Variants in NRXN1 observed in about 807,000 individuals in gnomAD.
NRXN1 encodes neurexin-1.
In NRXN1, 39 loss-of-function variants were observed where a neutral mutation model predicts 150.9. The observed-to-expected ratio is 0.26, with a 90% CI of 0.20 to 0.34. The LOEUF is 0.34. NRXN1 is among the 10% of genes least tolerant of loss of function. NRXN1 has a pLI of 1.00. For missense variants in NRXN1, 1,815 were observed against 1,949.9 expected (o/e 0.93, Z 1.30); for synonymous variants, 924 against 757.0 (o/e 1.22, Z -3.62).
At chr2:49,941,582 T>C (rs1671981875) in intron 22 of NRXN1, among the ~76,000 whole-genome samples, 1 of 152,120 alleles carries the variant, frequency 6.6e-6, no homozygotes, top group South Asian at 2.1e-4. Flanking sequence ...CACTAGGTAC[T>C]CAAGGTAAGG....
intron 2 of NRXN1, among the ~76,000 whole-genome samples, chr2:50,937,761 T>A (rs1574985549): frequency 1.3e-5 from 2 of 152,248 alleles, no homozygotes; most frequent in East Asian, 3.9e-4. Flanking sequence ...GACATGGCCA[T>A]GATTAGTTGA....
At position 49,934,101 on chromosome 2, in the gene NRXN1, C is replaced by G. The variant is rs1670602178; in HGVS notation, c.4216+9603G>C. On this transcript the variant is annotated intron_variant, in intron 22 of 22. Transcript: ENST00000401669. The stretch of plus-strand genomic sequence containing the variant: ...TGGTTGGAGTGAATTACATTTCTCT[C>G]TCTTTCAAAATTTTATTATGATATT... 2.6e-5 allele frequency among the ~76,000 whole-genome samples: 4 copies of G among 152,148 alleles called. No individual in the cohort carries two copies. In the South Asian group the frequency reaches 8.3e-4, roughly 32 times the overall value.
In NRXN1 at chr2:50,334,209, A is replaced by ATATATATATATATATATGTATG. The variant is rs760530144; in HGVS notation, c.3365-97240_3365-97239insCATACATATATATATATATATA. Among the ~76,000 whole-genome samples, 172 of 121,456 alleles carry ATATATATATATATATATGTATG rather than the reference A, an allele frequency of 1.4e-3. 5 individuals are homozygous for ATATATATATATATATATGTATG. The highest frequency in any genetic ancestry group is 7.1e-3 in the African/African-American group (163 of 22,866). 79.7% of individuals were successfully genotyped at this position (121,456 alleles called of 152,430 possible). ...CAGGACCAAATATATATATATATAT[A>ATATATATATATATATATGTATG]TATGTATGTAGATATTGTTTAACGG... is the stretch of plus-strand genomic sequence containing the variant. On this transcript the variant is annotated intron_variant, in intron 17 of 22. Transcript: ENST00000401669.
chr2:50,206,949 G>A (rs2062633555), intron 18 of NRXN1, among the ~76,000 whole-genome samples: 1 of 151,140 alleles, frequency 6.6e-6, no homozygotes, highest in Admixed American at 6.6e-5. Context: ...CCGAATCTGA[G>A]TACTGCCCAT....
At chr2:50,513,112 C>A (rs1378201226) in intron 12 of NRXN1, among the ~76,000 whole-genome samples, 1 of 152,060 alleles carries the variant, frequency 6.6e-6, no homozygotes, top group Non-Finnish European at 1.5e-5. Context: ...TAATGCCTAC[C>A]TTATTTCATA....
At chr2:50,797,773 A>T (rs1383250256) in intron 5 of NRXN1, among the ~76,000 whole-genome samples, 1 of 152,188 alleles carries the variant, frequency 6.6e-6, no homozygotes, top group East Asian at 1.9e-4. Context: ...GCCCTGGCAT[A>T]TCACAGGCAC....
intron 5 of NRXN1, among the ~76,000 whole-genome samples, chr2:50,847,518 G>C (rs1236247199): frequency 6.6e-6 from 1 of 152,238 alleles, no homozygotes; most frequent in East Asian, 1.9e-4. Flanking sequence ...TCCCTGGCTA[G>C]GGCTCCACCC....
At chr2:50,549,499 C>G (rs550892075) in intron 9 of NRXN1, among the ~76,000 whole-genome samples, 1 of 152,158 alleles carries the variant, frequency 6.6e-6, no homozygotes, top group East Asian at 1.9e-4. Context: ...CACAACAGCA[C>G]CAAGCATAGT....
chr2:50,964,241 T>C (rs1479574534), intron 2 of NRXN1, among the ~76,000 whole-genome samples: 2 of 151,558 alleles, frequency 1.3e-5, no homozygotes, highest in Non-Finnish European at 3.0e-5. Context: ...AGTCGCATGT[T>C]TAGAGTAAAA....
chr2:50,278,829 T>A (rs1019367956), intron 17 of NRXN1, among the ~76,000 whole-genome samples: 11 of 152,042 alleles, frequency 7.2e-5, no homozygotes, highest in Non-Finnish European at 1.5e-5. Flanking sequence ...TAGTAAAAAA[T>A]TATTTAAACT....
At chr2:50,944,600 C>G (rs1303034668) in intron 2 of NRXN1, among the ~76,000 whole-genome samples, 1 of 152,138 alleles carries the variant, frequency 6.6e-6, no homozygotes, top group Non-Finnish European at 1.5e-5. Flanking sequence ...TATTTACCAA[C>G]AATTTTCTTA....
At chr2:50,461,045 C>T (rs2088150895) in intron 17 of NRXN1, among the ~76,000 whole-genome samples, 1 of 151,974 alleles carries the variant, frequency 6.6e-6, no homozygotes, top group African/African-American at 2.4e-5. Context: ...GATTCACTTC[C>T]ATTAGTTCAT....
At chr2:50,058,609 G>A (rs1220138534) in intron 19 of NRXN1, among the ~76,000 whole-genome samples, 3 of 152,092 alleles carry the variant, frequency 2.0e-5, no homozygotes, top group Non-Finnish European at 4.4e-5. Context: ...AAAATTATAT[G>A]CAGATACATT....
In NRXN1 at chr2:50,375,557, T is replaced by C. The variant is rs114158154; in HGVS notation, c.3364+89885A>G. ...TTAGGTTGGATGGCATATCAACTGATTTGAAACTATAGAAAAAAATTAGGA... is the reference window on the plus strand; with the variant it reads ...TTAGGTTGGATGGCATATCAACTGACTTGAAACTATAGAAAAAAATTAGGA... On this transcript the variant is annotated intron_variant, in intron 17 of 22. Coordinates refer to ENST00000401669, the MANE Select transcript of NRXN1 (RefSeq NM_001330078.2). Among the ~76,000 whole-genome samples, 615 of 132,614 alleles carry C rather than the reference T, an allele frequency of 4.6e-3. 10 individuals carry two copies. The highest frequency in any genetic ancestry group is 0.018 in the African/African-American group (590 of 32,414). 87.0% of individuals were successfully genotyped at this position (132,614 alleles called of 152,430 possible). A position where few individuals can be genotyped will look rare whatever the true frequency, so the allele number is the denominator to read the frequency against.
At chr2:50,922,411 G>A (rs570187587) in intron 4 of NRXN1, 1 of 588,124 alleles carries the variant, frequency 1.7e-6, no homozygotes, top group Non-Finnish European at 3.0e-6. Flanking sequence ...AATTTCTTAT[G>A]TCTCATTTAT....
At chr2:50,654,471 G>A (rs1230552403) in intron 5 of NRXN1, among the ~76,000 whole-genome samples, 1 of 151,884 alleles carries the variant, frequency 6.6e-6, no homozygotes, top group Non-Finnish European at 1.5e-5. Flanking sequence ...GCTATGGTGA[G>A]TAGTGCTGCA....
At chr2:50,144,456 C>A (rs1053467339) in intron 18 of NRXN1, among the ~76,000 whole-genome samples, 1 of 151,702 alleles carries the variant, frequency 6.6e-6, no homozygotes, top group Non-Finnish European at 1.5e-5. Flanking sequence ...CAGTGTCACA[C>A]AAAAATTCTG....
chr2:50,591,212 T>A (rs1316201695), intron 8 of NRXN1, among the ~76,000 whole-genome samples: 1 of 152,042 alleles, frequency 6.6e-6, no homozygotes, highest in Non-Finnish European at 1.5e-5. Flanking sequence ...TTATTCAACA[T>A]TTTATCCGAA....
chr2:50,475,566 T>C (rs1015978201), intron 15 of NRXN1, among the ~76,000 whole-genome samples: 3 of 152,032 alleles, frequency 2.0e-5, no homozygotes, highest in African/African-American at 7.2e-5. Context: ...ATCTTTCCCT[T>C]GAGTTACTAA....
Sources: allele counts gnomAD v4.1 joint callset (sites outside exome capture counted in the v4.1 genomes callset), GRCh38; gene constraint gnomAD v4.1.1; transcripts MANE v1.5; gene names NCBI Gene and HGNC (gene_info 2026-07-23, HGNC 2026-07-21).